Variants in CNTNAP2 observed in about 807,000 individuals in gnomAD.
The protein encoded by CNTNAP2 is contactin-associated protein-like 2.
Under a neutral mutation model 155.2 loss-of-function variants are expected in CNTNAP2, and 98 were observed. The observed-to-expected ratio is 0.63, with a 90% confidence interval of 0.54 to 0.75. CNTNAP2 has a LOEUF of 0.75. Among genes scored for constraint, CNTNAP2 ranks in the 30% least tolerant of loss-of-function variants. The pLI is 0.00. For missense variants in CNTNAP2, 1,727 were observed against 1,688.1 expected, an observed-to-expected ratio of 1.02 and a Z score of -0.40; for synonymous variants, 651 against 631.2, an observed-to-expected ratio of 1.03 and a Z score of -0.47.
intron 1 of CNTNAP2, among the ~76,000 whole-genome samples, chr7:146,527,496 T>A (rs1797707963): frequency 1.3e-5 from 2 of 150,094 alleles, no homozygotes; most frequent in African/African-American, 5.0e-5. Flanking sequence ...CAATGTCATA[T>A]GTCTGGAATT....
At chr7:148,233,296 C>G (rs55877155) in intron 20 of CNTNAP2, among the ~76,000 whole-genome samples, 1 of 152,100 alleles carries the variant, frequency 6.6e-6, no homozygotes, top group Admixed American at 6.5e-5. Context: ...TTTCCTTTCT[C>G]TCTTCCCAAC....
intron 1 of CNTNAP2, among the ~76,000 whole-genome samples, chr7:146,590,025 C>T (rs1023821075): frequency 2.3e-4 from 35 of 152,158 alleles, no homozygotes; most frequent in East Asian, 3.9e-4. Context: ...ACTCTGTCTA[C>T]GGAGGAATGA....
chr7:147,300,316 A>G (rs973288830), intron 9 of CNTNAP2, 26 bp downstream of exon 9: 140 of 1,613,316 alleles, frequency 8.7e-5, no homozygotes, highest in Non-Finnish European at 1.1e-4. Flanking sequence ...CTTTTTGGTT[A>G]CTAATCCATT....
At chr7:147,237,417 T>C (rs1803833595) in intron 8 of CNTNAP2, among the ~76,000 whole-genome samples, 1 of 152,168 alleles carries the variant, frequency 6.6e-6, no homozygotes, top group Non-Finnish European at 1.5e-5. Context: ...ACAGACTCTG[T>C]TGTTTTCCAA....
chr7:146,480,445 T>G (rs1796942190), intron 1 of CNTNAP2, among the ~76,000 whole-genome samples: 2 of 151,768 alleles, frequency 1.3e-5, no homozygotes, highest in South Asian at 4.1e-4. Context: ...TAATTTTATG[T>G]AATTATACAA....
chr7:147,639,367 A>C (rs1273573875), intron 13 of CNTNAP2, 61 bp downstream of exon 13: 2 of 1,493,974 alleles, frequency 1.3e-6, no homozygotes, highest in African/African-American at 2.8e-5. Flanking sequence ...AGAATTGCCT[A>C]AAGAATCCAA....
chr7:146,516,728 T>G (rs1481947615), intron 1 of CNTNAP2, among the ~76,000 whole-genome samples: 1 of 151,988 alleles, frequency 6.6e-6, no homozygotes, highest in Non-Finnish European at 1.5e-5. Flanking sequence ...ATTATGAACA[T>G]GTAGATGAAA....
intron 11 of CNTNAP2, among the ~76,000 whole-genome samples, chr7:147,561,471 G>T (rs1409446276): frequency 6.6e-6 from 1 of 152,016 alleles, no homozygotes; most frequent in Non-Finnish European, 1.5e-5. Flanking sequence ...AAGAAAATTT[G>T]TCATGAGCAC....
intron 1 of CNTNAP2, among the ~76,000 whole-genome samples, chr7:146,407,068 G>A (rs1255178221): frequency 6.6e-6 from 1 of 152,200 alleles, no homozygotes; most frequent in Non-Finnish European, 1.5e-5. Flanking sequence ...TTGGGTACTT[G>A]ACGGCAGAGG....
At chr7:146,827,514 T>C (rs972007937) in intron 2 of CNTNAP2, among the ~76,000 whole-genome samples, 59 of 151,218 alleles carry the variant, frequency 3.9e-4, no homozygotes, top group African/African-American at 1.4e-3. Context: ...TTTTTTTTTT[T>C]ATATCAGAGA....
At chr7:146,892,787 TTATAC>T (rs759088613) in intron 3 of CNTNAP2, among the ~76,000 whole-genome samples, 1 of 152,128 alleles carries the variant, frequency 6.6e-6, no homozygotes. Flanking sequence ...AAGAAAAAAA[TTATAC>T]TATATCAGTT....
intron 11 of CNTNAP2, among the ~76,000 whole-genome samples, chr7:147,497,741 A>C (rs1798734328): frequency 6.6e-6 from 1 of 152,158 alleles, no homozygotes; most frequent in Non-Finnish European, 1.5e-5. Context: ...GCTCCTCTAG[A>C]GTTTGAATGA....
intron 1 of CNTNAP2, among the ~76,000 whole-genome samples, chr7:146,542,195 A>G (rs1797963085): frequency 6.6e-6 from 1 of 151,864 alleles, no homozygotes; most frequent in South Asian, 2.1e-4. Flanking sequence ...GAGCTCTGGC[A>G]AATGTTTGTG....
intron 15 of CNTNAP2, among the ~76,000 whole-genome samples, chr7:148,067,786 C>T (rs762229730): frequency 1.4e-4 from 21 of 152,152 alleles, no homozygotes; most frequent in Non-Finnish European, 2.8e-4. Flanking sequence ...CAGGATTAGG[C>T]GTGTCTGAGC....
chr7:147,771,690 G>A (rs1432975517), intron 13 of CNTNAP2, among the ~76,000 whole-genome samples: 1 of 152,000 alleles, frequency 6.6e-6, no homozygotes, highest in Non-Finnish European at 1.5e-5. Context: ...GTCTTCATAT[G>A]TGTTTTAGGC....
At chr7:146,474,225 A>G (rs1303757367) in intron 1 of CNTNAP2, among the ~76,000 whole-genome samples, 2 of 150,498 alleles carry the variant, frequency 1.3e-5, no homozygotes, top group South Asian at 4.2e-4. Flanking sequence ...TTTTTATTTT[A>G]TTAACCTACT....
chr7:147,507,540 C>A (rs1360579932), intron 11 of CNTNAP2, among the ~76,000 whole-genome samples: 1 of 136,458 alleles, frequency 7.3e-6, no homozygotes, highest in Admixed American at 7.9e-5. Flanking sequence ...AAGTTGCTTT[C>A]TCTTTCTTTC....
At chr7:146,182,371 G>A (rs957168924) in intron 1 of CNTNAP2, among the ~76,000 whole-genome samples, 25 of 152,096 alleles carry the variant, frequency 1.6e-4, no homozygotes, top group Non-Finnish European at 2.9e-4. Context: ...TCAAAAATTT[G>A]TAGGAGACAT....
At chr7:146,978,870 T>C (rs181346668) in intron 3 of CNTNAP2, among the ~76,000 whole-genome samples, 1 of 152,264 alleles carries the variant, frequency 6.6e-6, no homozygotes, top group Non-Finnish European at 1.5e-5. Context: ...ATGAGAAAAG[T>C]AAGTTCTACT....
Sources: allele counts gnomAD v4.1 joint callset (sites outside exome capture counted in the v4.1 genomes callset), GRCh38; gene constraint gnomAD v4.1.1; transcripts MANE v1.5; gene names NCBI Gene and HGNC (gene_info 2026-07-23, HGNC 2026-07-21).